Variants in LGALS3 observed in about 807,000 individuals in gnomAD.
The protein encoded by LGALS3 is galectin-3.
A neutral mutation model predicts 20.7 loss-of-function variants in LGALS3; 18 were observed. The ratio of observed to expected loss-of-function variants is 0.87; its 90% CI spans 0.60 to 1.29. The LOEUF (loss-of-function observed/expected upper bound fraction) is 1.29, where lower values mean the gene tolerates loss of function less well. Among genes scored for constraint, LGALS3 ranks in the 50% most tolerant of loss-of-function variants. LGALS3 has a pLI of 0.00. For synonymous variants in LGALS3, 112 were observed against 119.6 expected, an observed-to-expected ratio of 0.94 and a Z score of 0.42; for missense variants, 315 against 314.7, an observed-to-expected ratio of 1.00 and a Z score of -0.01.
exon 6 of LGALS3, chr14:55,145,422 AAT>A (rs149894805): frequency 2.3e-3 from 3,250 of 1,402,758 alleles, 69 homozygotes; most frequent in African/African-American, 0.04. Context: ...TACCTGTCTC[AAT>A]ATGTCATTTA....
Position 55,140,842 on chromosome 14 carries a change from T to A in LGALS3, c.431+479T>A, listed in dbSNP as rs183343180. Among the ~76,000 whole-genome samples, 394 of 152,316 alleles carry A rather than the reference T, an allele frequency of 2.6e-3. 1 individual carries two copies. Among genetic ancestry groups the A allele is most frequent in the Middle Eastern group, 6.8e-3 (2 of 294 alleles). On this transcript the variant is annotated intron_variant, in intron 4 of 5. Coordinates refer to ENST00000254301, the MANE Select transcript of LGALS3 (RefSeq NM_002306.4). ...CCTTTACTATTGGAAGTAGTTTGAT[T>A]GATGAGGTGGGCTAGGATGGGGTGA... is the stretch of plus-strand genomic sequence containing the variant.
At position 55,132,666 on chromosome 14, in the gene LGALS3, C is replaced by T. The variant is rs188446522; in HGVS notation, c.-5+3366C>T. Among the ~76,000 whole-genome samples the T allele has an allele frequency of 7.9e-5, 12 of 152,262 alleles. No individual in the cohort carries two copies. In the East Asian group the frequency reaches 2.3e-3, roughly 29 times the overall value. The stretch of plus-strand genomic sequence containing the variant: ...CACTGCAACCTCTGCCTCCCGGGTT[C>T]AAGCGATTCTCCTGCCTCAGCCTCC... On this transcript the variant is annotated intron_variant, in intron 1 of 5. Transcript: ENST00000254301.
At chr14:55,130,658 C>A (rs1200929965) in intron 1 of LGALS3, among the ~76,000 whole-genome samples, 1 of 147,796 alleles carries the variant, frequency 6.8e-6, no homozygotes, top group Non-Finnish European at 1.5e-5. Context: ...CTACCGGGTT[C>A]AAGCGATTCT....
At chr14:55,132,177 A>C (rs1253192296) in intron 1 of LGALS3, among the ~76,000 whole-genome samples, 1 of 152,248 alleles carries the variant, frequency 6.6e-6, no homozygotes, top group Non-Finnish European at 1.5e-5. Context: ...CAGCCGATTA[A>C]AATGGTCTGT....
intron 1 of LGALS3, among the ~76,000 whole-genome samples, chr14:55,131,537 T>C (rs996860948): frequency 6.6e-6 from 1 of 152,236 alleles, no homozygotes; most frequent in African/African-American, 2.4e-5. Context: ...TTGATACTTG[T>C]GGTAACTGAT....
intron 5 of LGALS3, among the ~76,000 whole-genome samples, chr14:55,144,041 T>G (rs1030675428): frequency 2.0e-5 from 3 of 152,242 alleles, no homozygotes; most frequent in African/African-American, 7.2e-5. Flanking sequence ...AAGAGTAGAT[T>G]TCTCCTACCC....
intron 2 of LGALS3, 87 bp downstream of exon 2, chr14:55,137,478 T>C (rs1881441969): frequency 6.2e-7 from 1 of 1,613,546 alleles, no homozygotes; most frequent in Non-Finnish European, 8.5e-7. Flanking sequence ...ACTTTCCCTT[T>C]TCACTCTCCC....
At chr14:55,137,180 A>G in intron 1 of LGALS3, 190 bp from the exon 2 acceptor site, 1 of 661,374 alleles carries the variant, frequency 1.5e-6, no homozygotes, top group Non-Finnish European at 2.7e-6. Flanking sequence ...TGTGAGTTAA[A>G]TAGGGTTTGG....
intron 1 of LGALS3, among the ~76,000 whole-genome samples, chr14:55,131,023 A>G (rs1012088829): frequency 3.3e-5 from 5 of 152,230 alleles, no homozygotes; most frequent in Non-Finnish European, 7.3e-5. Context: ...CATTCTAAAG[A>G]TGATCATACC....
intron 5 of LGALS3, chr14:55,143,426 C>CTTTT: frequency 4.9e-5 from 16 of 328,290 alleles, no homozygotes; most frequent in Admixed American, 7.8e-5. Flanking sequence ...CTTAATAGCA[C>CTTTT]TTTTTTTTTT....
intron 5 of LGALS3, 135 bp downstream of exon 5, chr14:55,142,884 C>T (rs1308126148): frequency 4.7e-6 from 3 of 632,654 alleles, no homozygotes; most frequent in Non-Finnish European, 8.0e-6. Context: ...TCTCCCTGCC[C>T]AGGGGACCAG....
Position 55,138,386 on chromosome 14 carries a change from C to G in LGALS3, c.342+18C>G, listed in dbSNP as rs779276141. 6.2e-7 allele frequency: 1 copy of G among 1,611,792 alleles called. No homozygotes were observed. The highest frequency in any genetic ancestry group is 2.2e-5 in the East Asian group (1 of 44,896). Reference sequence around the variant, plus strand: ...GGCCACTGGTGAGATGGCATTCCTTCTTTCATGTACTTGACATGCAGAGGG... The same window carrying G: ...GGCCACTGGTGAGATGGCATTCCTTGTTTCATGTACTTGACATGCAGAGGG... On this transcript the variant is annotated intron_variant, in intron 3 of 5. Coordinates refer to ENST00000254301, the MANE Select transcript of LGALS3 (RefSeq NM_002306.4).
rs1261703514 is a variant in LGALS3, at chr14:55,145,256, A to AT, written c.739dup (p.Tyr247LeufsTer7). The AT allele has an allele frequency of 3.1e-6, 5 of 1,613,612 alleles. No individual in the cohort carries two copies. The highest frequency in any genetic ancestry group is 3.4e-6 in the Non-Finnish European group (4 of 1,179,866). On this transcript the variant is annotated frameshift_variant, in exon 6 of 6. Transcript: ENST00000254301. LOFTEE classifies it high-confidence loss of function. ...GTGACATAGACCTCACCAGTGCTTC[A>AT]TATACCATGATATAATCTGAAAGGG...
chr14:55,140,087 AT>A (rs1881564530), intron 3 of LGALS3, among the ~76,000 whole-genome samples, 187 bp from the exon 4 acceptor site: 1 of 151,914 alleles, frequency 6.6e-6, no homozygotes, highest in Non-Finnish European at 1.5e-5. Flanking sequence ...CTTTTCAATT[AT>A]TTGTACATCT....
intron 5 of LGALS3, chr14:55,143,443 GAC>G (rs1212912928): frequency 4.4e-4 from 160 of 362,342 alleles, no homozygotes; most frequent in Non-Finnish European, 1.7e-4. Flanking sequence ...TTTTTTTCGA[GAC>G]AGAGTCTCGC....
chr14:55,142,437 C>A, intron 4 of LGALS3, 147 bp from the exon 5 acceptor site: 1 of 568,990 alleles, frequency 1.8e-6, no homozygotes, highest in Non-Finnish European at 3.1e-6. Flanking sequence ...AGTTTGAACC[C>A]ATTCTGATTT....
intron 1 of LGALS3, among the ~76,000 whole-genome samples, chr14:55,130,099 G>A (rs1881182346): frequency 6.6e-6 from 1 of 152,170 alleles, no homozygotes; most frequent in Admixed American, 6.5e-5. Context: ...TGCCCAGACT[G>A]TCTGTGCCCA....
intron 5 of LGALS3, among the ~76,000 whole-genome samples, chr14:55,144,729 T>C (rs1881753917): frequency 6.6e-6 from 1 of 152,118 alleles, no homozygotes; most frequent in South Asian, 2.1e-4. Flanking sequence ...CACAATCAGC[T>C]AATTTTTTGT....
At chr14:55,142,517 A>G in intron 4 of LGALS3, 67 bp from the exon 5 acceptor site, 1 of 1,317,048 alleles carries the variant, frequency 7.6e-7, no homozygotes, top group African/African-American at 1.5e-5. Flanking sequence ...AGAAAATTAC[A>G]TGTTCTTTAC....
Sources: gnomAD v4.1 joint callset for allele counts (sites outside exome capture counted in the v4.1 genomes callset) on GRCh38, gnomAD v4.1.1 for gene constraint, MANE v1.5 for transcripts, NCBI Gene and HGNC (gene_info 2026-07-23, HGNC 2026-07-21) for gene names.